CAPN12: variants seen among roughly 807,000 people sequenced by gnomAD.
The protein encoded by CAPN12 is calpain 12, also known as calpain-12.
In CAPN12, 107 loss-of-function variants were observed where a neutral mutation model predicts 95.0. That is an observed-to-expected ratio of 1.13 (90% confidence interval 0.96 to 1.32). The LOEUF is 1.32. Ranked by LOEUF, CAPN12 falls within the 40% of genes most tolerant of loss-of-function variation. The pLI is 0.00. For synonymous variants in CAPN12, 505 were observed against 415.5 expected (o/e 1.22, Z -2.62); for missense variants, 1,136 against 997.8 (o/e 1.14, Z -1.87).
At position 38,738,433 on chromosome 19, in the gene CAPN12, C is replaced by G; in HGVS notation, c.875G>C (p.Gly292Ala). ...RNPWGCVEWT[G>A]AWSDSCPRWD... is the part of the protein sequence containing the mutation. ...CCCATCCCACCTGTCGCTCCAGGCC[C>G]CCGTCCACTCCACGCAGCCCCATGG... Residue 292 changes from glycine to alanine, a missense_variant, in exon 7 of 21, where the codon GGG (glycine) becomes GCG (alanine). Gly to Ala is a moderately conservative substitution (Grantham distance 60). Coordinates refer to ENST00000328867, the MANE Select transcript of CAPN12 (RefSeq NM_144691.4). 1 of 1,610,196 alleles carries G rather than the reference C, an allele frequency of 6.2e-7. No homozygotes were observed. Among genetic ancestry groups the G allele is most frequent in the African/African-American group, 1.3e-5 (1 of 75,006 alleles).
intron 10 of CAPN12, 39 bp downstream of exon 10, chr19:38,737,117 C>T: frequency 2.0e-6 from 3 of 1,498,318 alleles, no homozygotes; most frequent in Non-Finnish European, 2.7e-6. Context: ...CCTCCACCCT[C>T]CGGGTTCCCT....
chr19:38,734,922 G>A, intron 14 of CAPN12, 52 bp from the exon 15 acceptor site: 1 of 1,577,816 alleles, frequency 6.3e-7, no homozygotes, highest in South Asian at 1.1e-5. Context: ...AGCTGCTCTG[G>A]GCCAAGCCCT....
In CAPN12 at chr19:38,734,221, G is replaced by A. The variant is rs537745320; in HGVS notation, c.1816-17C>T. On this transcript the variant is annotated splice_polypyrimidine_tract_variant and intron_variant, in intron 16 of 20. Transcript: ENST00000328867. ...TTGCCCATGCTGTGTTGGGGGTCGG[G>A]GGCATCTGGTTAAGGTCAATCTCTC... 6.2e-7 allele frequency: 1 copy of A among 1,612,726 alleles called. No individual in the cohort carries two copies. Among genetic ancestry groups the A allele is most frequent in the Admixed American group, 1.7e-5 (1 of 59,990 alleles).
chr19:38,730,888 A>C lies in CAPN12; in HGVS notation c.2134-10T>G. On this transcript the variant is annotated splice_polypyrimidine_tract_variant and intron_variant, in intron 20 of 20. Transcript: ENST00000328867. The stretch of plus-strand genomic sequence containing the variant: ...TGGCCACCTCCATCCACTAAGGAAG[A>C]GAAGGAAGACAGTGGCTTGAGGCAG... The C allele has an allele frequency of 6.4e-7, 1 of 1,551,652 alleles. No individual in the cohort carries two copies. The highest frequency in any genetic ancestry group is 8.7e-7 in the Non-Finnish European group (1 of 1,147,418).
At chr19:38,733,396 G>GTCT (rs1969776899) in intron 18 of CAPN12, 2 of 381,948 alleles carry the variant, frequency 5.2e-6, no homozygotes, top group Admixed American at 4.3e-5. Flanking sequence ...CTGGGGGCCA[G>GTCT]ACCCTCTCAG....
In CAPN12 at chr19:38,732,764, C is replaced by G. The variant is rs532879616; in HGVS notation, c.1957+939G>C. On this transcript the variant is annotated intron_variant, in intron 18 of 20. Coordinates refer to ENST00000328867, the MANE Select transcript of CAPN12 (RefSeq NM_144691.4). ...AGCCCCCATCTCCCTGTGGCTCCAT[C>G]TGCTGTGTGGTGGCAGACAGGCCCC... Among the ~76,000 whole-genome samples the G allele has an allele frequency of 2.6e-5, 4 of 151,036 alleles. No individual in the cohort carries two copies. The East Asian group carries it at 7.7e-4, about 29-fold the overall frequency.
chr19:38,735,536 T>G lies in CAPN12; in HGVS notation c.1592A>C (p.Asp531Ala). 1 of 1,609,880 alleles carries G rather than the reference T, an allele frequency of 6.2e-7. No individual in the cohort carries two copies. The highest frequency in any genetic ancestry group is 1.1e-5 in the South Asian group (1 of 90,820). ...SERRHTAVEI[D>A]DVISADLQSL... ...CTGCAGGTCTGCGCTGATCACGTCGTCGATCTCCCTGCAAATTACAGATGG... is the reference window on the plus strand; with the variant it reads ...CTGCAGGTCTGCGCTGATCACGTCGGCGATCTCCCTGCAAATTACAGATGG... The change falls in exon 13 of 21, where the codon GAC (aspartate) becomes GCC (alanine). Residue 531 changes from aspartate (D) to alanine (A), a missense_variant. Physicochemically the swap from Asp to Ala is moderately radical, Grantham distance 126 (BLOSUM62 -2). Transcript: ENST00000328867.
rs1307240541 is a variant in CAPN12 at position 38,730,231 on chromosome 19, TATAA to T, written c.*617_*620del. ...ACTTTATTAACTTACGGATTTATTA[TATAA>T]ATATATATTCACCTAGCAACATATC... On this transcript the variant is annotated 3_prime_UTR_variant, in exon 21 of 21. Coordinates refer to ENST00000328867, the MANE Select transcript of CAPN12 (RefSeq NM_144691.4). 1.3e-5 allele frequency: 2 copies of T among 157,444 alleles called. No individual in the cohort carries two copies. Among genetic ancestry groups the T allele is most frequent in the Non-Finnish European group, 2.8e-5 (2 of 71,068 alleles). The allele number at this position is 157,444 out of a possible 1,614,324, so 9.8% of individuals were successfully genotyped here.
intron 18 of CAPN12, among the ~76,000 whole-genome samples, chr19:38,732,022 C>A (rs1033182026): frequency 6.6e-6 from 1 of 152,254 alleles, no homozygotes; most frequent in East Asian, 1.9e-4. Context: ...TATGGGGAAA[C>A]CCAGCCAGAT....
chr19:38,737,511 G>A lies in CAPN12; in HGVS notation c.1093C>T (p.Arg365Cys), dbSNP rs751754843. 3 of 1,612,524 alleles carry A rather than the reference G, an allele frequency of 1.9e-6. No individual in the cohort carries two copies. The highest frequency in any genetic ancestry group is 1.3e-5 in the African/African-American group (1 of 74,916). The stretch of plus-strand genomic sequence containing the variant: ...TGGCTCCCGCCGGAGTTGAAGCCAC[G>A]CACCCAGCGGCCTTGGAAGGTGTGG... ...HVHTFQGRWVRGFNSGGSQPN... is the reference protein window; with the variant it reads ...HVHTFQGRWVCGFNSGGSQPN... Residue 365 changes from arginine (R) to cysteine (C), a missense_variant, in exon 9 of 21, where the codon CGT becomes TGT. Coordinates refer to ENST00000328867, the MANE Select transcript of CAPN12 (RefSeq NM_144691.4).
intron 10 of CAPN12, 164 bp from the exon 11 acceptor site, chr19:38,736,727 A>C: frequency 8.6e-6 from 7 of 817,762 alleles, no homozygotes; most frequent in South Asian, 3.9e-5. Context: ...GCCCTCGCCG[A>C]CCCCTCCCCA....
At chr19:38,731,347 TC>T in intron 18 of CAPN12, 124 bp from the exon 19 acceptor site, 1 of 727,916 alleles carries the variant, frequency 1.4e-6, no homozygotes, top group Non-Finnish European at 2.4e-6. Context: ...CTCTGCCCCA[TC>T]CCGGCAGGGT....
At chr19:38,740,285 G>T in intron 4 of CAPN12, 66 bp from the exon 5 acceptor site, 1 of 1,425,704 alleles carries the variant, frequency 7.0e-7, no homozygotes, top group South Asian at 1.4e-5. Flanking sequence ...CCTGCCCTGG[G>T]ATCTGCAGGG....
At chr19:38,736,873 TA>T (rs1970215089) in intron 10 of CAPN12, 2 of 552,678 alleles carry the variant, frequency 3.6e-6, no homozygotes, top group East Asian at 6.1e-5. Flanking sequence ...CTCATTCCCT[TA>T]GCTCCCTCTC....
intron 15 of CAPN12, 130 bp from the exon 16 acceptor site, chr19:38,734,519 A>T: frequency 1.3e-6 from 1 of 794,952 alleles, no homozygotes; most frequent in Non-Finnish European, 2.0e-6. Flanking sequence ...AGGCACAGGG[A>T]GCCAGTGACT....
intron 1 of CAPN12, among the ~76,000 whole-genome samples, chr19:38,743,439 G>GT (rs55715915): frequency 9.4e-6 from 1 of 105,838 alleles, no homozygotes; most frequent in African/African-American, 3.6e-5. Flanking sequence ...AGGAGTCCAG[G>GT]CCCAGCCCCT....
chr19:38,737,612 TGGA>T lies in CAPN12; in HGVS notation c.989_991del (p.Leu330del), dbSNP rs777522480. 4.4e-6 allele frequency: 7 copies of T among 1,607,970 alleles called. No individual in the cohort carries two copies. The highest frequency in any genetic ancestry group is 1.1e-5 in the South Asian group (1 of 90,664). On this transcript the variant is annotated inframe_deletion, in exon 9 of 21. Coordinates refer to ENST00000328867, the MANE Select transcript of CAPN12 (RefSeq NM_144691.4). ...CGAGCAGATCTGCACGGTGTCGAAA[TGGA>T]GGAGGAAGTCCCGCAGCTCCATCCT...
chr19:38,733,634 G>A (rs1969794672), intron 18 of CAPN12, 69 bp downstream of exon 18: 11 of 1,376,554 alleles, frequency 8.0e-6, no homozygotes, highest in African/African-American at 4.3e-5. Context: ...TGAGCAGGGG[G>A]ACTTGGAGAC....
At chr19:38,735,219 G>A (rs1336061846) in intron 14 of CAPN12, 151 bp downstream of exon 14, 15 of 762,010 alleles carry the variant, frequency 2.0e-5, no homozygotes, top group South Asian at 7.6e-5. Context: ...GGGAGGAGCT[G>A]TGAGCATTTC....
Sources: allele counts gnomAD v4.1 joint callset (sites outside exome capture counted in the v4.1 genomes callset), GRCh38; gene constraint gnomAD v4.1.1; transcripts MANE v1.5; gene names NCBI Gene and HGNC (gene_info 2026-07-23, HGNC 2026-07-21).